COL4A6: variants seen among roughly 807,000 people sequenced by gnomAD.
COL4A6 encodes collagen alpha-6(IV) chain.
Under a neutral mutation model 126.7 loss-of-function variants are expected in COL4A6, and 59 were observed. That is an observed-to-expected ratio of 0.47 (90% CI 0.38 to 0.58). The LOEUF (loss-of-function observed/expected upper bound fraction) is 0.58, where lower values mean the gene tolerates loss of function less well. Ranked by LOEUF, COL4A6 falls within the 20% of genes least tolerant of loss-of-function variation. COL4A6 has a pLI of 0.00. For synonymous variants in COL4A6, 547 were observed against 496.6 expected (o/e 1.10, Z -1.35); for missense variants, 1,285 against 1,337.3 (o/e 0.96, Z 0.61).
At chrX:108,327,904 T>G (rs1247824882) in intron 2 of COL4A6, among the ~76,000 whole-genome samples, 4 of 111,423 alleles carry the variant, frequency 3.6e-5, no homozygotes, top group East Asian at 2.8e-4. Context: ...AGTGATGGCC[T>G]GAACACCAAT....
intron 2 of COL4A6, among the ~76,000 whole-genome samples, chrX:108,364,967 C>T (rs1322494037): frequency 9.0e-6 from 1 of 111,012 alleles, no homozygotes; most frequent in Non-Finnish European, 1.9e-5. Context: ...CCAGAACACA[C>T]ACATATTCCA....
chrX:108,165,445 G>A lies in COL4A6; in HGVS notation c.3733C>T (p.Pro1245Ser). The change falls in exon 38 of 45, where the codon CCA (proline) becomes TCA (serine). Residue 1245 changes from proline (P) to serine (S), a missense_variant. Physicochemically the swap from Pro to Ser is moderately conservative, Grantham distance 74. Coordinates refer to ENST00000334504, the MANE Select transcript of COL4A6 (RefSeq NM_033641.4). Reference sequence around the variant, plus strand: ...ATGAGTGAGGGCAAGGAGATGCCTGGGGCACCGGGGAGACCAGCAGGGCCC... The same window carrying A: ...ATGAGTGAGGGCAAGGAGATGCCTGAGGCACCGGGGAGACCAGCAGGGCCC... ...LQGPAGLPGA[P>S]GISLPSLIAG... is the part of the protein sequence containing the mutation. The A allele has an allele frequency of 8.3e-7, 1 of 1,201,242 alleles. No individual in the cohort carries two copies. The highest frequency in any genetic ancestry group is 1.1e-6 in the Non-Finnish European group (1 of 891,660).
At chrX:108,230,672 A>T (rs2036279668) in intron 3 of COL4A6, among the ~76,000 whole-genome samples, 1 of 112,068 alleles carries the variant, frequency 8.9e-6, no homozygotes, top group African/African-American at 3.2e-5. Context: ...TCTTTTCACC[A>T]TTCCTTTGGA....
intron 2 of COL4A6, among the ~76,000 whole-genome samples, chrX:108,314,520 T>G (rs2038837455): frequency 8.9e-6 from 1 of 112,165 alleles, no homozygotes; most frequent in African/African-American, 3.2e-5. Context: ...GCAATGTTCC[T>G]AAGGTTGCAT....
intron 23 of COL4A6, among the ~76,000 whole-genome samples, chrX:108,182,686 T>C (rs1358943750): frequency 8.9e-6 from 1 of 112,272 alleles, no homozygotes; most frequent in Non-Finnish European, 1.9e-5. Flanking sequence ...GGGTGTATCA[T>C]GAGAGGGATC....
chrX:108,417,119 T>A (rs1301303772), intron 2 of COL4A6, among the ~76,000 whole-genome samples: 1 of 111,640 alleles, frequency 9.0e-6, no homozygotes, highest in Non-Finnish European at 1.9e-5. Flanking sequence ...GAAGTATTGA[T>A]ACTGCAATAT....
At chrX:108,220,828 C>A (rs1275496903) in intron 4 of COL4A6, among the ~76,000 whole-genome samples, 1 of 112,823 alleles carries the variant, frequency 8.9e-6, no homozygotes, top group Non-Finnish European at 1.9e-5. Context: ...AAATATGCAG[C>A]CTGGGTGGGG....
intron 3 of COL4A6, among the ~76,000 whole-genome samples, chrX:108,247,588 T>C (rs750430324): frequency 9.1e-6 from 1 of 109,572 alleles, no homozygotes; most frequent in Non-Finnish European, 1.9e-5. Context: ...ATTGATTCTC[T>C]TCCCTCCCTT....
intron 21 of COL4A6, 84 bp from the exon 22 acceptor site, chrX:108,188,111 A>G (rs2034928388): frequency 1.2e-6 from 1 of 811,016 alleles, no homozygotes; most frequent in South Asian, 2.9e-5. Flanking sequence ...GACTTAGAGC[A>G]GAACCTTGGG....
intron 7 of COL4A6, among the ~76,000 whole-genome samples, chrX:108,210,430 A>G (rs1282922507): frequency 1.8e-5 from 2 of 112,508 alleles, no homozygotes; most frequent in Non-Finnish European, 3.8e-5. Context: ...ATTTCAAGGG[A>G]AAATCAACAG....
At chrX:108,266,996 A>G (rs759068740) in intron 3 of COL4A6, among the ~76,000 whole-genome samples, 9 of 112,034 alleles carry the variant, frequency 8.0e-5, no homozygotes, top group Non-Finnish European at 1.3e-4. Flanking sequence ...TTATCTTACT[A>G]TTCTTTAGGT....
intron 3 of COL4A6, among the ~76,000 whole-genome samples, chrX:108,274,114 T>C (rs892270180): frequency 9.0e-6 from 1 of 111,318 alleles, no homozygotes; most frequent in Non-Finnish European, 1.9e-5. Flanking sequence ...TTATTATTAA[T>C]TAGGTATGAT....
At chrX:108,383,154 T>C (rs1320179037) in intron 2 of COL4A6, among the ~76,000 whole-genome samples, 1 of 110,078 alleles carries the variant, frequency 9.1e-6, no homozygotes, top group African/African-American at 3.3e-5. Context: ...GCAGAGACTG[T>C]CAGAATGAAT....
intron 5 of COL4A6, among the ~76,000 whole-genome samples, chrX:108,215,408 A>G (rs1355864342): frequency 9.0e-6 from 1 of 111,699 alleles, no homozygotes; most frequent in African/African-American, 3.3e-5. Context: ...TTTTAGTTGC[A>G]CTGGGGAAGC....
At chrX:108,378,689 C>T (rs1367952962) in intron 2 of COL4A6, among the ~76,000 whole-genome samples, 5 of 113,015 alleles carry the variant, frequency 4.4e-5, no homozygotes, top group African/African-American at 1.3e-4. Context: ...CTTCCACATA[C>T]TCTCTTTTTT....
intron 2 of COL4A6, among the ~76,000 whole-genome samples, chrX:108,407,931 A>G (rs757164926): frequency 2.7e-5 from 3 of 111,690 alleles, no homozygotes; most frequent in South Asian, 7.7e-4. Context: ...GAGACTTTAC[A>G]TACAATGTCT....
intron 2 of COL4A6, among the ~76,000 whole-genome samples, chrX:108,427,400 G>A (rs2064105791): frequency 8.9e-6 from 1 of 112,086 alleles, no homozygotes; most frequent in African/African-American, 3.2e-5. Flanking sequence ...GACAAAAGAA[G>A]AGGAGACTTC....
chrX:108,301,241 A>G (rs2038480183), intron 3 of COL4A6, among the ~76,000 whole-genome samples: 1 of 112,485 alleles, frequency 8.9e-6, no homozygotes, highest in South Asian at 3.7e-4. Flanking sequence ...AAAGGGACAG[A>G]CACACATTAC....
intron 2 of COL4A6, among the ~76,000 whole-genome samples, chrX:108,360,700 C>A (rs2040066695): frequency 9.2e-6 from 1 of 108,228 alleles, no homozygotes; most frequent in African/African-American, 3.4e-5. Flanking sequence ...CCATGCCCAG[C>A]TTTTTTTTTG....
Sources: allele counts gnomAD v4.1 joint callset (sites outside exome capture counted in the v4.1 genomes callset), GRCh38; gene constraint gnomAD v4.1.1; transcripts MANE v1.5; gene names NCBI Gene and HGNC (gene_info 2026-07-23, HGNC 2026-07-21).